MDFIC: variants seen among roughly 807,000 people sequenced by gnomAD.
MDFIC encodes myoD family inhibitor domain-containing protein.
MDFIC carries 17 observed loss-of-function variants against 23.2 expected under a neutral mutation model. The ratio of observed to expected loss-of-function variants is 0.73; its 90% confidence interval spans 0.50 to 1.10. The LOEUF (loss-of-function observed/expected upper bound fraction) is 1.10, where lower values mean the gene tolerates loss of function less well. Among genes scored for constraint, MDFIC ranks in the 50% least tolerant of loss-of-function variants. MDFIC has a pLI of 0.00. For missense variants in MDFIC, 356 were observed against 316.6 expected (o/e 1.12, Z -0.95); for synonymous variants, 120 against 115.2 (o/e 1.04, Z -0.27).
intron 4 of MDFIC, among the ~76,000 whole-genome samples, chr7:114,995,993 G>C (rs1791319435): frequency 6.6e-6 from 1 of 152,164 alleles, no homozygotes; most frequent in Admixed American, 6.6e-5. Flanking sequence ...GGTAACTGAA[G>C]AGATTGGATA....
chr7:114,971,494 A>G (rs1162027497), intron 3 of MDFIC, among the ~76,000 whole-genome samples: 3 of 152,162 alleles, frequency 2.0e-5, no homozygotes, highest in African/African-American at 4.8e-5. Context: ...AGCGTTCTGC[A>G]TCTATCTAAG....
At chr7:114,990,186 C>A (rs1341272076) in intron 4 of MDFIC, among the ~76,000 whole-genome samples, 1 of 152,094 alleles carries the variant, frequency 6.6e-6, no homozygotes, top group African/African-American at 2.4e-5. Flanking sequence ...AAGGTTAAAG[C>A]TTAATCTATA....
At chr7:114,957,189 G>A (rs1187093783) in intron 3 of MDFIC, among the ~76,000 whole-genome samples, 1 of 152,074 alleles carries the variant, frequency 6.6e-6, no homozygotes, top group Non-Finnish European at 1.5e-5. Context: ...TTTATCTTAG[G>A]ATTCTTGATA....
intron 2 of MDFIC, chr7:114,923,339 C>A: frequency 8.4e-7 from 1 of 1,195,614 alleles, no homozygotes; most frequent in Non-Finnish European, 1.2e-6. Context: ...ACCGTTGGTC[C>A]CTCCACTCCC....
intron 2 of MDFIC, among the ~76,000 whole-genome samples, chr7:114,941,156 A>T (rs1263435653): frequency 6.6e-6 from 1 of 152,180 alleles, no homozygotes; most frequent in African/African-American, 2.4e-5. Flanking sequence ...TACAAGAAAA[A>T]AAAAGCTCAC....
At chr7:114,984,219 A>G (rs950460441) in intron 4 of MDFIC, among the ~76,000 whole-genome samples, 11 of 152,216 alleles carry the variant, frequency 7.2e-5, no homozygotes, top group African/African-American at 2.2e-4. Context: ...TTTGCCTCTT[A>G]AAGCCCTTCT....
intron 3 of MDFIC, among the ~76,000 whole-genome samples, chr7:114,955,267 T>A (rs1792861794): frequency 6.6e-6 from 1 of 152,212 alleles, no homozygotes; most frequent in South Asian, 2.1e-4. Context: ...TTGATTTTTT[T>A]CTCTACTACT....
intron 3 of MDFIC, among the ~76,000 whole-genome samples, chr7:114,972,085 G>A (rs1007702501): frequency 1.3e-5 from 2 of 152,234 alleles, no homozygotes; most frequent in African/African-American, 2.4e-5. Flanking sequence ...TACATAGGAG[G>A]ATCTGTCATT....
chr7:114,976,304 G>C (rs1310699297), intron 3 of MDFIC, among the ~76,000 whole-genome samples: 1 of 152,080 alleles, frequency 6.6e-6, no homozygotes. Flanking sequence ...CAGATTGCTT[G>C]AATTATTCTT....
chr7:114,922,776 C>A, intron 1 of MDFIC, 140 bp downstream of exon 1: 1 of 803,686 alleles, frequency 1.2e-6, no homozygotes, highest in Non-Finnish European at 1.7e-6. Context: ...TCAACTTGCG[C>A]TGTAACAGTT....
intron 4 of MDFIC, among the ~76,000 whole-genome samples, chr7:114,992,516 T>TA (rs1585116669): frequency 1.3e-5 from 2 of 152,342 alleles, no homozygotes; most frequent in East Asian, 3.9e-4. Flanking sequence ...TATTTTGAGA[T>TA]ATGTCCCAGC....
intron 4 of MDFIC, 145 bp downstream of exon 4, chr7:114,979,926 C>T (rs375579677): frequency 3.0e-6 from 3 of 1,003,088 alleles, no homozygotes; most frequent in Middle Eastern, 2.1e-4. Flanking sequence ...ATTAACTTTC[C>T]CAAAGGAAAG....
intron 4 of MDFIC, among the ~76,000 whole-genome samples, chr7:114,989,572 T>G (rs1427923920): frequency 6.6e-6 from 1 of 152,164 alleles, no homozygotes; most frequent in Non-Finnish European, 1.5e-5. Flanking sequence ...ATATAGTGTA[T>G]TTAGACTTTA....
At chr7:115,011,513 T>C (rs1448188074) in intron 4 of MDFIC, among the ~76,000 whole-genome samples, 4 of 152,182 alleles carry the variant, frequency 2.6e-5, no homozygotes, top group Non-Finnish European at 5.9e-5. Flanking sequence ...ACAGGTTTTG[T>C]TGAGGAAGAT....
At chr7:114,955,249 G>A (rs990672535) in intron 3 of MDFIC, among the ~76,000 whole-genome samples, 3 of 152,150 alleles carry the variant, frequency 2.0e-5, no homozygotes, top group Non-Finnish European at 4.4e-5. Context: ...TTTAAAAATT[G>A]AAATAAATTG....
chr7:114,984,353 C>T (rs1377171354), intron 4 of MDFIC, among the ~76,000 whole-genome samples: 2 of 151,822 alleles, frequency 1.3e-5, no homozygotes, highest in Non-Finnish European at 2.9e-5. Flanking sequence ...TACAGTGGTG[C>T]CCAACATAAA....
At chr7:114,959,140 A>G (rs1038126088) in intron 3 of MDFIC, among the ~76,000 whole-genome samples, 17 of 152,188 alleles carry the variant, frequency 1.1e-4, no homozygotes, top group African/African-American at 4.1e-4. Flanking sequence ...AAGACCAACT[A>G]TTACTTCTTG....
chr7:114,969,314 T>C (rs1317104951), intron 3 of MDFIC, among the ~76,000 whole-genome samples: 1 of 152,208 alleles, frequency 6.6e-6, no homozygotes, highest in African/African-American at 2.4e-5. Context: ...AAGGTTGTTA[T>C]ATGCTGGGAT....
At chr7:114,942,984 G>A (rs116382384) in intron 3 of MDFIC, among the ~76,000 whole-genome samples, 10,000 of 152,212 alleles carry the variant, frequency 0.066, 518 homozygotes, top group African/African-American at 0.14. Flanking sequence ...TGGAGTTTAC[G>A]TTCTGGTCAC....
Sources: gnomAD v4.1 joint callset for allele counts (sites outside exome capture counted in the v4.1 genomes callset) on GRCh38, gnomAD v4.1.1 for gene constraint, MANE v1.5 for transcripts, NCBI Gene and HGNC (gene_info 2026-07-23, HGNC 2026-07-21) for gene names.